TENM3: variants seen among roughly 807,000 people sequenced by gnomAD.
TENM3 encodes the protein teneurin-3.
TENM3 carries 63 observed loss-of-function variants against 255.1 expected under a neutral mutation model. The ratio of observed to expected loss-of-function variants is 0.25; its 90% confidence interval spans 0.20 to 0.30. TENM3 has a LOEUF of 0.30. Among genes scored for constraint, TENM3 ranks in the 10% least tolerant of loss-of-function variants. The probability of loss-of-function intolerance (pLI) is 1.00; values close to 1 mark genes in which losing one functional copy is unlikely to be tolerated. For missense variants in TENM3, 2,929 were observed against 3,461.1 expected, an observed-to-expected ratio of 0.85 and a Z score of 3.86; for synonymous variants, 1,306 against 1,322.3, an observed-to-expected ratio of 0.99 and a Z score of 0.27.
intron 3 of TENM3, among the ~76,000 whole-genome samples, chr4:182,442,384 G>T (rs1772555372): frequency 6.6e-6 from 1 of 152,160 alleles, no homozygotes; most frequent in Non-Finnish European, 1.5e-5. Context: ...AAAAGTTTGT[G>T]TGATTTCTAT....
chr4:182,646,788 C>T (rs1409023156), intron 5 of TENM3, among the ~76,000 whole-genome samples: 1 of 151,720 alleles, frequency 6.6e-6, no homozygotes, highest in African/African-American at 2.4e-5. Flanking sequence ...AAAGAGATAC[C>T]CATAACCATT....
chr4:182,642,781 G>T (rs1752425261), intron 5 of TENM3, among the ~76,000 whole-genome samples: 1 of 152,128 alleles, frequency 6.6e-6, no homozygotes, highest in African/African-American at 2.4e-5. Flanking sequence ...ATATCCTACA[G>T]TTGACAGAAT....
intron 3 of TENM3, among the ~76,000 whole-genome samples, chr4:182,563,982 A>G (rs535630157): frequency 2.0e-5 from 3 of 152,294 alleles, no homozygotes; most frequent in East Asian, 1.9e-4. Flanking sequence ...GCTCCTGCCA[A>G]TCATTCCTGC....
the TENM3 span, among the ~76,000 whole-genome samples, chr4:181,791,519 G>T: frequency 6.6e-6 from 1 of 152,132 alleles, no homozygotes; most frequent in South Asian, 2.1e-4. Context: ...ACATTTTGAG[G>T]ATCAAATATA....
chr4:181,614,968 T>G, the TENM3 span, among the ~76,000 whole-genome samples: 1 of 152,158 alleles, frequency 6.6e-6, no homozygotes, highest in African/African-American at 2.4e-5. Context: ...ACTCCTGGCC[T>G]GAGTTCTCAC....
chr4:181,959,992 G>T, the TENM3 span, among the ~76,000 whole-genome samples: 2 of 152,126 alleles, frequency 1.3e-5, no homozygotes, highest in Admixed American at 1.3e-4. Flanking sequence ...GTCTAATAAA[G>T]TTCAAGGGCA....
At chr4:181,517,151 G>GA in the TENM3 span, among the ~76,000 whole-genome samples, 30,857 of 146,768 alleles carry the variant, frequency 0.21, 3,999 homozygotes, top group Non-Finnish European at 0.31. Context: ...GGAAATAACT[G>GA]AAAAAAAAAA....
At chr4:182,525,192 G>A (rs770041418) in intron 3 of TENM3, among the ~76,000 whole-genome samples, 9 of 152,178 alleles carry the variant, frequency 5.9e-5, no homozygotes, top group East Asian at 1.9e-4. Context: ...AGTAAGGAAC[G>A]AATTTAGTAG....
chr4:181,575,386 G>A, the TENM3 span, among the ~76,000 whole-genome samples: 4 of 151,962 alleles, frequency 2.6e-5, no homozygotes, highest in South Asian at 6.2e-4. Flanking sequence ...TTTACAATTC[G>A]ATGGTAATGT....
chr4:182,488,475 T>TAC (rs2151565399), intron 3 of TENM3, among the ~76,000 whole-genome samples: 1 of 152,086 alleles, frequency 6.6e-6, no homozygotes, highest in African/African-American at 2.4e-5. Context: ...TTGTTCTGCA[T>TAC]ACAAATAGAG....
At chr4:181,642,508 C>T in the TENM3 span, among the ~76,000 whole-genome samples, 22 of 151,706 alleles carry the variant, frequency 1.5e-4, no homozygotes, top group African/African-American at 5.1e-4. Flanking sequence ...GTTTTTGTTG[C>T]CATTGCTTTT....
At chr4:182,413,427 G>A (rs937610905) in intron 3 of TENM3, among the ~76,000 whole-genome samples, 8 of 152,062 alleles carry the variant, frequency 5.3e-5, no homozygotes, top group African/African-American at 1.9e-4. Context: ...GAACAGCCTG[G>A]CCAACATGGC....
At chr4:182,694,323 G>A (rs770930982) in intron 12 of TENM3, among the ~76,000 whole-genome samples, 3 of 151,672 alleles carry the variant, frequency 2.0e-5, no homozygotes, top group Non-Finnish European at 2.9e-5. Flanking sequence ...TTGCCCAGGC[G>A]GGCTGGTCTC....
chr4:181,909,573 C>T, the TENM3 span, among the ~76,000 whole-genome samples: 1 of 152,154 alleles, frequency 6.6e-6, no homozygotes, highest in African/African-American at 2.4e-5. Flanking sequence ...CTCATTGCCT[C>T]AGCACAGCTG....
the TENM3 span, among the ~76,000 whole-genome samples, chr4:181,988,702 T>A: frequency 6.6e-6 from 1 of 152,088 alleles, no homozygotes; most frequent in South Asian, 2.1e-4. Context: ...GATACAGGTA[T>A]GTTAAGTAAT....
At chr4:182,188,825 A>C (rs1753330852) in intron 1 of TENM3, among the ~76,000 whole-genome samples, 1 of 152,130 alleles carries the variant, frequency 6.6e-6, no homozygotes, top group Admixed American at 6.6e-5. Flanking sequence ...CCAGTCCTAG[A>C]GATGTGCAGT....
At chr4:181,988,328 A>T in the TENM3 span, among the ~76,000 whole-genome samples, 1,083 of 151,764 alleles carry the variant, frequency 7.1e-3, 13 homozygotes, top group African/African-American at 0.024. Flanking sequence ...TTAATCATCA[A>T]CCTCTCGTAG....
chr4:181,527,558 G>A, the TENM3 span, among the ~76,000 whole-genome samples: 6 of 151,672 alleles, frequency 4.0e-5, no homozygotes, highest in East Asian at 1.9e-4. Flanking sequence ...TAGTAGAAAC[G>A]GGGTTTGGCC....
At chr4:181,746,135 C>T in the TENM3 span, among the ~76,000 whole-genome samples, 2 of 151,952 alleles carry the variant, frequency 1.3e-5, no homozygotes, top group Non-Finnish European at 2.9e-5. Flanking sequence ...GACTGAGTTC[C>T]CTAGGGAAGG....
Sources: allele counts gnomAD v4.1 joint callset (sites outside exome capture counted in the v4.1 genomes callset), GRCh38; gene constraint gnomAD v4.1.1; transcripts MANE v1.5; gene names NCBI Gene and HGNC (gene_info 2026-07-23, HGNC 2026-07-21).